Variants in ABL1 observed in about 807,000 individuals in gnomAD.
ABL1 encodes the protein tyrosine-protein kinase ABL1.
A neutral mutation model predicts 94.7 loss-of-function variants in ABL1; 11 were observed. That is an observed-to-expected ratio of 0.12 (90% CI 0.07 to 0.19). The LOEUF (loss-of-function observed/expected upper bound fraction) is 0.19. ABL1 is among the 10% of genes least tolerant of loss of function. The pLI is 1.00. For missense variants in ABL1, 1,082 were observed against 1,489.4 expected (o/e 0.73, Z 4.50); for synonymous variants, 656 against 622.4 (o/e 1.05, Z -0.80).
At chr9:130,795,688 A>G (rs1468771011) in intron 1 of ABL1, among the ~76,000 whole-genome samples, 1 of 152,236 alleles carries the variant, frequency 6.6e-6, no homozygotes, top group Non-Finnish European at 1.5e-5. Flanking sequence ...ACAATTCTTA[A>G]CAAAAAAGCC....
chr9:130,727,234 G>GTTTTT (rs34579847), intron 1 of ABL1, among the ~76,000 whole-genome samples: 8 of 141,800 alleles, frequency 5.6e-5, no homozygotes, highest in Non-Finnish European at 9.2e-5. Context: ...CTTTGCTGAG[G>GTTTTT]TTTTTTTTTT....
At chr9:130,765,605 C>T (rs769909904) in intron 1 of ABL1, among the ~76,000 whole-genome samples, 2 of 152,072 alleles carry the variant, frequency 1.3e-5, no homozygotes, top group Non-Finnish European at 2.9e-5. Flanking sequence ...CTACTGGGTA[C>T]GTCAGTGTAC....
intron 1 of ABL1, among the ~76,000 whole-genome samples, chr9:130,768,191 G>C (rs1403658768): frequency 6.6e-6 from 1 of 151,998 alleles, no homozygotes; most frequent in Admixed American, 6.6e-5. Flanking sequence ...GTAAGCATTA[G>C]AGCTTGCAGC....
intron 1 of ABL1, among the ~76,000 whole-genome samples, chr9:130,759,217 T>A (rs1832079963): frequency 6.6e-6 from 1 of 152,186 alleles, no homozygotes; most frequent in Admixed American, 6.5e-5. Context: ...TGGTCAACAT[T>A]GAGTTTTTCA....
At chr9:130,878,874 A>ATTTT (rs943552961) in intron 8 of ABL1, among the ~76,000 whole-genome samples, 2 of 127,286 alleles carry the variant, frequency 1.6e-5, no homozygotes, top group African/African-American at 3.0e-5. Flanking sequence ...TCATGAGGTG[A>ATTTT]TTTTTTTTTT....
chr9:130,878,394 T>A, intron 7 of ABL1, 21 bp from the exon 8 acceptor site: 1 of 1,613,294 alleles, frequency 6.2e-7, no homozygotes, highest in Non-Finnish European at 8.5e-7. Context: ...GAACAGCCTT[T>A]CTCTTTCGGT....
chr9:130,810,733 G>A, intron 1 of ABL1, among the ~76,000 whole-genome samples: 1 of 149,978 alleles, frequency 6.7e-6, no homozygotes, highest in African/African-American at 2.5e-5. Context: ...GGGTATGAGG[G>A]ACCAAAAAAT....
intron 1 of ABL1, among the ~76,000 whole-genome samples, chr9:130,741,006 C>T (rs1056797442): frequency 6.6e-6 from 1 of 151,956 alleles, no homozygotes; most frequent in Non-Finnish European, 1.5e-5. Flanking sequence ...CCATCTAACA[C>T]GAGTGACTCC....
rs527775044 is a variant in ABL1, at chr9:130,862,412, C to G, written c.550-351C>G. On this transcript the variant is annotated intron_variant, in intron 3 of 10. Coordinates refer to ENST00000318560, the MANE Select transcript of ABL1 (RefSeq NM_005157.6). This position sits in a 1 kb window ranked among gnomAD's most constrained non-coding sequence, Gnocchi z 5.5. ...TAGGATGACCCGTGCCGTGTGATGA[C>G]TTTAGATTGGGTGGTTGGGGAAGAC... 6.6e-6 allele frequency among the ~76,000 whole-genome samples: 1 copy of G among 152,088 alleles called. No homozygotes were observed. Among genetic ancestry groups the G allele is most frequent in the Non-Finnish European group, 1.5e-5 (1 of 68,036 alleles).
chr9:130,807,898 A>C (rs1316926400), intron 1 of ABL1, among the ~76,000 whole-genome samples: 1 of 150,460 alleles, frequency 6.6e-6, no homozygotes. Flanking sequence ...GGGTTTCACC[A>C]TGTTGGTCAG....
At chr9:130,738,389 T>G (rs1432278043) in intron 1 of ABL1, among the ~76,000 whole-genome samples, 2 of 152,118 alleles carry the variant, frequency 1.3e-5, no homozygotes, top group Non-Finnish European at 1.5e-5. Flanking sequence ...AAGGAAGAAA[T>G]GAAAACTAAG....
At chr9:130,830,734 C>T (rs1830485144), upstream of ABL1, among the ~76,000 whole-genome samples, 1 of 152,190 alleles carries the variant, frequency 6.6e-6, no homozygotes, top group African/African-American at 2.4e-5. Flanking sequence ...GCTTTGGGCA[C>T]TCTCCCTACA....
Position 130,884,052 on chromosome 9 carries a change from G to T in ABL1, c.1762G>T (p.Glu588Ter). The T allele has an allele frequency of 6.2e-7, 1 of 1,613,922 alleles. No homozygotes were observed. The highest frequency in any genetic ancestry group is 1.1e-5 in the South Asian group (1 of 91,080). ...CCCGGAGGGCGGCCTGAATGAAGATGAGCGCCTTCTCCCCAAAGACAAAAA... is the reference window on the plus strand; with the variant it reads ...CCCGGAGGGCGGCCTGAATGAAGATTAGCGCCTTCTCCCCAAAGACAAAAA... ...GPPEGGLNED[E>*]RLLPKDKKTN... Residue 588 changes from glutamate to a stop codon, truncating the protein, a stop_gained, in exon 11 of 11, where the codon GAG becomes TAG. Transcript: ENST00000318560. LOFTEE classifies it high-confidence loss of function. This position sits in a 1 kb window ranked among gnomAD's most constrained non-coding sequence, Gnocchi z 5.6.
At chr9:130,799,427 T>C (rs1039658007) in intron 1 of ABL1, among the ~76,000 whole-genome samples, 1 of 152,182 alleles carries the variant, frequency 6.6e-6, no homozygotes, top group Non-Finnish European at 1.5e-5. Flanking sequence ...CCATGTCCAA[T>C]AACCCATGGA....
intron 1 of ABL1, among the ~76,000 whole-genome samples, chr9:130,821,751 C>T (rs1404872093): frequency 6.6e-6 from 1 of 151,534 alleles, no homozygotes; most frequent in African/African-American, 2.4e-5. Context: ...CAACTTCCGC[C>T]TCCCTGGTTC....
At chr9:130,745,790 A>G (rs1479907990) in intron 1 of ABL1, among the ~76,000 whole-genome samples, 1 of 152,044 alleles carries the variant, frequency 6.6e-6, no homozygotes, top group East Asian at 1.9e-4. Context: ...TGCTTACTTG[A>G]CTGTGACTAA....
chr9:130,748,221 T>C (rs1831911447), intron 1 of ABL1, among the ~76,000 whole-genome samples: 1 of 152,200 alleles, frequency 6.6e-6, no homozygotes, highest in Admixed American at 6.5e-5. Flanking sequence ...AAGAAAAGTG[T>C]GAACTGAATC....
intron 1 of ABL1, among the ~76,000 whole-genome samples, chr9:130,760,510 A>G (rs192493589): frequency 5.3e-4 from 80 of 152,296 alleles, no homozygotes; most frequent in Admixed American, 3.5e-3. Flanking sequence ...TCAAGTGGCT[A>G]CATCACTGAC....
At chr9:130,748,558 G>A (rs1831916274) in intron 1 of ABL1, among the ~76,000 whole-genome samples, 2 of 151,778 alleles carry the variant, frequency 1.3e-5, no homozygotes, top group African/African-American at 2.4e-5. Flanking sequence ...GACTACAGGC[G>A]TGAGCCACCA....
Sources: allele counts gnomAD v4.1 joint callset (sites outside exome capture counted in the v4.1 genomes callset), GRCh38; gene constraint gnomAD v4.1.1; non-coding constraint Gnocchi (gnomAD v3.1); transcripts MANE v1.5; gene names NCBI Gene and HGNC (gene_info 2026-07-23, HGNC 2026-07-21).